The following MAP3K14 variants were observed in gnomAD, a reference collection of about 807,000 sequenced individuals.
MAP3K14 encodes NF-kappa-beta-inducing kinase.
MAP3K14 carries 16 observed loss-of-function variants against 99.2 expected under a neutral mutation model. The observed-to-expected ratio is 0.16, with a 90% CI of 0.11 to 0.24. The LOEUF is 0.24. MAP3K14 is among the 10% of genes least tolerant of loss of function. MAP3K14 has a pLI of 1.00. For missense variants in MAP3K14, 784 were observed against 1,208.7 expected, an observed-to-expected ratio of 0.65 and a Z score of 5.21; for synonymous variants, 462 against 492.4, an observed-to-expected ratio of 0.94 and a Z score of 0.82.
chr17:45,265,598 C>T (rs1371354854), intron 14 of MAP3K14, among the ~76,000 whole-genome samples: 2 of 151,606 alleles, frequency 1.3e-5, no homozygotes, highest in African/African-American at 4.9e-5. Flanking sequence ...CCACTATACC[C>T]AGCTAATTTT....
chr17:45,315,640 C>T (rs2044524626), intron 1 of MAP3K14, among the ~76,000 whole-genome samples: 1 of 152,140 alleles, frequency 6.6e-6, no homozygotes, highest in African/African-American at 2.4e-5. Flanking sequence ...AAAAACCACA[C>T]CAAAAACTTC....
intron 6 of MAP3K14, among the ~76,000 whole-genome samples, chr17:45,280,615 TTC>T (rs1388471122): frequency 5.4e-5 from 8 of 148,122 alleles, no homozygotes; most frequent in Non-Finnish European, 1.5e-5. Flanking sequence ...TTCTTTGGTA[TTC>T]TTTTATTTTT....
chr17:45,297,030 C>G (rs922519223), intron 1 of MAP3K14, among the ~76,000 whole-genome samples: 9 of 152,304 alleles, frequency 5.9e-5, no homozygotes, highest in Admixed American at 1.3e-4. Flanking sequence ...CACACCAACC[C>G]TGCAAGGTTG....
Position 45,290,772 on chromosome 17 carries a change from G to A in MAP3K14, c.-20-7C>T. ...TCCCAGGCTTGTGCTCATCCTGAGA[G>A]AGACCAAACACAGAGCAGGTCACTT... On this transcript the variant is annotated splice_polypyrimidine_tract_variant and splice_region_variant and intron_variant, in intron 1 of 15. Coordinates refer to ENST00000344686, the MANE Select transcript of MAP3K14 (RefSeq NM_003954.5). The A allele has an allele frequency of 3.1e-6, 5 of 1,608,004 alleles. No individual in the cohort carries two copies. Among genetic ancestry groups the A allele is most frequent in the Non-Finnish European group, 4.3e-6 (5 of 1,175,644 alleles).
chr17:45,269,982 T>C (rs1159035246), intron 11 of MAP3K14, among the ~76,000 whole-genome samples: 2 of 151,924 alleles, frequency 1.3e-5, no homozygotes, highest in African/African-American at 4.8e-5. Context: ...GGGGGTGCAG[T>C]CTTGGGGATC....
intron 2 of MAP3K14, 27 bp downstream of exon 2, chr17:45,290,463 G>A (rs375030315): frequency 2.0e-5 from 32 of 1,612,064 alleles, no homozygotes; most frequent in South Asian, 1.1e-4. Context: ...CACCTGCCCC[G>A]TGCCCACAAC....
chr17:45,292,716 C>A (rs1358182549), intron 1 of MAP3K14, among the ~76,000 whole-genome samples: 1 of 152,194 alleles, frequency 6.6e-6, no homozygotes, highest in African/African-American at 2.4e-5. Flanking sequence ...AAGCCCAGAG[C>A]CGATCCCACT....
At chr17:45,311,684 GGGT>G (rs1218677153) in intron 1 of MAP3K14, among the ~76,000 whole-genome samples, 1 of 152,174 alleles carries the variant, frequency 6.6e-6, no homozygotes, top group Admixed American at 6.5e-5. Flanking sequence ...CTGAAATCCA[GGGT>G]TTAATCTAGC....
chr17:45,271,281 A>G, intron 9 of MAP3K14, 60 bp from the exon 10 acceptor site: 2 of 1,463,282 alleles, frequency 1.4e-6, no homozygotes, highest in East Asian at 2.4e-5. Context: ...AGCCTAGGCA[A>G]TGGCCACCCT....
rs185562808 is a variant in MAP3K14 at position 45,280,553 on chromosome 17, C to T, written c.1290+4259G>A. On this transcript the variant is annotated intron_variant, in intron 6 of 15. Coordinates refer to ENST00000344686, the MANE Select transcript of MAP3K14 (RefSeq NM_003954.5). ...CTCCCGACCTCAGGTGATTCACCCG[C>T]CTCGGCCTCTCAAAGTGCTGGGATT... Among the ~76,000 whole-genome samples the T allele has an allele frequency of 2.7e-3, 414 of 152,140 alleles. 4 individuals carry two copies. The highest frequency in any genetic ancestry group is 5.1e-3 in the Non-Finnish European group (348 of 68,008).
intron 6 of MAP3K14, chr17:45,282,005 A>C (rs1262193031): frequency 6.6e-6 from 1 of 152,126 alleles, no homozygotes; most frequent in Admixed American, 6.5e-5. Context: ...AAATGATACC[A>C]AAAAAAGCAA....
intron 3 of MAP3K14, 85 bp downstream of exon 3, chr17:45,289,151 G>C: frequency 8.1e-7 from 1 of 1,232,110 alleles, no homozygotes; most frequent in Non-Finnish European, 1.2e-6. Context: ...CCCGGGGTCA[G>C]CAGGAGCGGC....
chr17:45,290,059 G>A lies in MAP3K14; in HGVS notation c.256+431C>T, dbSNP rs899449160. Among the ~76,000 whole-genome samples the A allele has an allele frequency of 5.3e-5, 8 of 152,336 alleles. No individual in the cohort carries two copies. In the South Asian group the frequency reaches 1.0e-3, roughly 20 times the overall value. On this transcript the variant is annotated intron_variant, in intron 2 of 15. Coordinates refer to ENST00000344686, the MANE Select transcript of MAP3K14 (RefSeq NM_003954.5). ...ACTGGCCCAGCAGGCTCAAGAGCAC[G>A]GTGCTCATTCCTGGGGGTGGGGCCA... is the stretch of plus-strand genomic sequence containing the variant.
In MAP3K14 at chr17:45,282,800, T is replaced by C. The variant is rs556861154; in HGVS notation, c.1290+2012A>G. Reference sequence around the variant, plus strand: ...TGCCTGATCCACCTCCCGGTCCCCATCTCCTAATCAGGGAACTGTTTCTCC... The same window carrying C: ...TGCCTGATCCACCTCCCGGTCCCCACCTCCTAATCAGGGAACTGTTTCTCC... On this transcript the variant is annotated intron_variant, in intron 6 of 15. Coordinates refer to ENST00000344686, the MANE Select transcript of MAP3K14 (RefSeq NM_003954.5). 7.2e-5 allele frequency among the ~76,000 whole-genome samples: 11 copies of C among 152,228 alleles called. No homozygotes were observed. In the East Asian group the frequency reaches 1.9e-3, roughly 27 times the overall value.
chr17:45,289,233 T>C lies in MAP3K14; in HGVS notation c.326+3A>G. On this transcript the variant is annotated splice_donor_region_variant and intron_variant, in intron 3 of 15. Transcript: ENST00000344686. Reference sequence around the variant, plus strand: ...CCCACTCAGGCTTGTCTCCCCTGCTTACCTGTACTGTTTGGACCCAGCGAT... The same window carrying C: ...CCCACTCAGGCTTGTCTCCCCTGCTCACCTGTACTGTTTGGACCCAGCGAT... 6.2e-7 allele frequency: 1 copy of C among 1,613,752 alleles called. No homozygotes were observed. Among genetic ancestry groups the C allele is most frequent in the Non-Finnish European group, 8.5e-7 (1 of 1,179,704 alleles).
intron 9 of MAP3K14, 104 bp downstream of exon 9, chr17:45,273,399 A>G (rs1398444364): frequency 1.2e-5 from 10 of 831,344 alleles, no homozygotes; most frequent in Middle Eastern, 3.3e-4. Flanking sequence ...TTAAACACAC[A>G]GGTGGACCTA....
chr17:45,277,018 CAG>C (rs1280159491), intron 6 of MAP3K14, among the ~76,000 whole-genome samples: 8 of 150,358 alleles, frequency 5.3e-5, no homozygotes, highest in African/African-American at 1.5e-4. Flanking sequence ...TTAGTAGAGA[CAG>C]AGTTTCACCA....
At chr17:45,304,926 C>T (rs536586661) in intron 1 of MAP3K14, among the ~76,000 whole-genome samples, 88 of 152,136 alleles carry the variant, frequency 5.8e-4, no homozygotes, top group Non-Finnish European at 9.0e-4. Flanking sequence ...GAATTTTACA[C>T]GGTGACTCAA....
chr17:45,274,190 G>A lies in MAP3K14; in HGVS notation c.1485C>T (p.Tyr495=). Residue 495 remains tyrosine, a synonymous_variant, in exon 8 of 16, where the codon TAC becomes TAT. Transcript: ENST00000344686. The stretch of plus-strand genomic sequence containing the variant: ...CCAGACCCTCCAGGGCCTGGCCCAG[G>A]TAGTACAGGGCCCGGTCCTCTGGGA... ...GCLPEDRALY[Y]LGQALEGLEY... The A allele has an allele frequency of 6.2e-7, 1 of 1,600,842 alleles. No homozygotes were observed.
Sources: allele counts gnomAD v4.1 joint callset (sites outside exome capture counted in the v4.1 genomes callset), GRCh38; gene constraint gnomAD v4.1.1; transcripts MANE v1.5; gene names NCBI Gene and HGNC (gene_info 2026-07-23, HGNC 2026-07-21).